SRI: variants seen among roughly 807,000 people sequenced by gnomAD.
The protein encoded by SRI is 22 kDa protein.
A neutral mutation model predicts 33.3 loss-of-function variants in SRI; 30 were observed. The ratio of observed to expected loss-of-function variants is 0.90; its 90% confidence interval spans 0.67 to 1.22. SRI has a LOEUF of 1.22. Ranked by LOEUF, SRI falls within the 50% of genes most tolerant of loss-of-function variation. SRI has a pLI of 0.00. For synonymous variants in SRI, 75 were observed against 89.9 expected (o/e 0.83, Z 0.94); for missense variants, 243 against 250.8 (o/e 0.97, Z 0.21).
upstream of SRI, among the ~76,000 whole-genome samples, chr7:88,223,786 G>A (rs567819558): frequency 6.6e-6 from 1 of 152,300 alleles, no homozygotes; most frequent in East Asian, 1.9e-4. Flanking sequence ...AACCACTGCT[G>A]GAAGCCCCTC....
intron 4 of SRI, 163 bp from the exon 5 acceptor site, chr7:88,210,293 T>C (rs972972617): frequency 4.6e-6 from 4 of 869,908 alleles, no homozygotes; most frequent in Non-Finnish European, 7.1e-6. Flanking sequence ...AAAGGGGCTA[T>C]GGAGAAAAAG....
At chr7:88,222,774 T>G (rs1460668517), upstream of SRI, among the ~76,000 whole-genome samples, 1 of 152,190 alleles carries the variant, frequency 6.6e-6, no homozygotes, top group African/African-American at 2.4e-5. Context: ...TAATAAATGG[T>G]GCTGGGAAAA....
At chr7:88,220,828 TAAG>T (rs551554397), upstream of SRI, among the ~76,000 whole-genome samples, 458 of 152,318 alleles carry the variant, frequency 3.0e-3, 2 homozygotes, top group African/African-American at 0.011. Flanking sequence ...ACTTTTTATA[TAAG>T]AAAAGTTTAG....
chr7:88,218,730 C>CTTT, intron 2 of SRI, 129 bp downstream of exon 2: 6 of 782,566 alleles, frequency 7.7e-6, no homozygotes, highest in Admixed American at 2.6e-5. Flanking sequence ...TAAGAAACAA[C>CTTT]TTTTTTTTTC....
intron 4 of SRI, chr7:88,210,332 A>T: frequency 1.6e-6 from 1 of 621,216 alleles, no homozygotes; most frequent in Non-Finnish European, 2.8e-6. Context: ...CTGTGGGGAA[A>T]AGATAACTTA....
chr7:88,206,593 T>C (rs2115730950), intron 7 of SRI, 89 bp from the exon 8 acceptor site: 1 of 1,473,318 alleles, frequency 6.8e-7, no homozygotes, highest in Non-Finnish European at 9.5e-7. Context: ...GTTTTCTAAT[T>C]TGAACACGGG....
chr7:88,224,087 G>T (rs1411919444), upstream of SRI, among the ~76,000 whole-genome samples: 4 of 152,172 alleles, frequency 2.6e-5, no homozygotes, highest in African/African-American at 9.7e-5. Context: ...AAGGCTGAGA[G>T]ATGGCAAATA....
chr7:88,217,861 T>C (rs1851771571), intron 2 of SRI, among the ~76,000 whole-genome samples: 1 of 152,186 alleles, frequency 6.6e-6, no homozygotes, highest in Non-Finnish European at 1.5e-5. Context: ...AATCTAAGAA[T>C]GCTAGTCTTG....
chr7:88,217,936 G>T (rs866992150), intron 2 of SRI, among the ~76,000 whole-genome samples: 4 of 152,156 alleles, frequency 2.6e-5, no homozygotes, highest in African/African-American at 9.7e-5. Flanking sequence ...ATACTTAAGG[G>T]GAAGGTCTTC....
chr7:88,217,270 T>C (rs980139120), intron 2 of SRI, 79 bp from the exon 3 acceptor site: 55 of 1,161,260 alleles, frequency 4.7e-5, no homozygotes, highest in Non-Finnish European at 6.8e-5. Context: ...AATGAAGCAA[T>C]AACAACAAAG....
intron 3 of SRI, among the ~76,000 whole-genome samples, 160 bp downstream of exon 3, chr7:88,216,962 C>T (rs1376753203): frequency 2.0e-5 from 3 of 152,086 alleles, no homozygotes; most frequent in Non-Finnish European, 4.4e-5. Context: ...AAACTGTTTT[C>T]AAATCAACAT....
intron 3 of SRI, among the ~76,000 whole-genome samples, chr7:88,213,333 C>T (rs1055272137): frequency 6.6e-6 from 1 of 152,186 alleles, no homozygotes; most frequent in Non-Finnish European, 1.5e-5. Context: ...TAAGGTAACA[C>T]ACTTATTTTG....
At chr7:88,215,185 G>A (rs1279994717) in intron 3 of SRI, among the ~76,000 whole-genome samples, 1 of 152,188 alleles carries the variant, frequency 6.6e-6, no homozygotes, top group Non-Finnish European at 1.5e-5. Context: ...CTCATAGGCA[G>A]GATGGTTCTG....
At chr7:88,208,352 T>A in intron 7 of SRI, 155 bp downstream of exon 7, 1 of 1,408,242 alleles carries the variant, frequency 7.1e-7, no homozygotes, top group Non-Finnish European at 9.2e-7. Context: ...TAAATGAAAT[T>A]AATAAATTCT....
At chr7:88,213,519 C>A (rs188389290) in intron 3 of SRI, among the ~76,000 whole-genome samples, 38 of 152,312 alleles carry the variant, frequency 2.5e-4, no homozygotes, top group Admixed American at 6.5e-4. Flanking sequence ...TTCTGCTCAG[C>A]TTAGGTATCA....
chr7:88,212,351 G>A (rs1851599551), intron 3 of SRI, among the ~76,000 whole-genome samples: 1 of 152,182 alleles, frequency 6.6e-6, no homozygotes, highest in Non-Finnish European at 1.5e-5. Flanking sequence ...TTTACAGTTT[G>A]GGAAAGAGCT....
rs1437645767 is a variant in SRI at position 88,210,142 on chromosome 7, T to G, written c.250-12A>C. 1 of 1,614,052 alleles carries G rather than the reference T, an allele frequency of 6.2e-7. No individual in the cohort carries two copies. Among genetic ancestry groups the G allele is most frequent in the African/African-American group, 1.3e-5 (1 of 75,046 alleles). On this transcript the variant is annotated splice_polypyrimidine_tract_variant and intron_variant, in intron 4 of 7. Transcript: ENST00000265729. ...CCAGACATATCTCTCTGAACTGTAA[T>G]CAAGGATTAGAGCTGTATTTTGCGA...
intron 4 of SRI, chr7:88,210,407 C>T: frequency 2.2e-6 from 1 of 459,696 alleles, no homozygotes; most frequent in East Asian, 4.7e-5. Flanking sequence ...GGTCTTGTTA[C>T]TGGAACTAGG....
chr7:88,222,901 A>C (rs558875115), upstream of SRI, among the ~76,000 whole-genome samples: 649 of 152,136 alleles, frequency 4.3e-3, 8 homozygotes, highest in African/African-American at 0.015. Flanking sequence ...AAAACCCTAG[A>C]AGAAAACCTA....
Sources: gnomAD v4.1 joint callset for allele counts (sites outside exome capture counted in the v4.1 genomes callset) on GRCh38, gnomAD v4.1.1 for gene constraint, MANE v1.5 for transcripts, NCBI Gene and HGNC (gene_info 2026-07-23, HGNC 2026-07-21) for gene names.